Variants in SLC26A7 observed in about 807,000 individuals in gnomAD.
SLC26A7 encodes anion exchange transporter.
A neutral mutation model predicts 82.5 loss-of-function variants in SLC26A7; 59 were observed. The ratio of observed to expected loss-of-function variants is 0.72; its 90% CI spans 0.58 to 0.89. The LOEUF is 0.89. Ranked by LOEUF, SLC26A7 falls within the 40% of genes least tolerant of loss-of-function variation. SLC26A7 has a pLI of 0.00. For missense variants in SLC26A7, 820 were observed against 793.0 expected, an observed-to-expected ratio of 1.03 and a Z score of -0.41; for synonymous variants, 271 against 274.3, an observed-to-expected ratio of 0.99 and a Z score of 0.12.
intron 2 of SLC26A7, among the ~76,000 whole-genome samples, chr8:91,273,419 G>C (rs946552447): frequency 6.6e-6 from 1 of 152,146 alleles, no homozygotes; most frequent in Non-Finnish European, 1.5e-5. Context: ...TGACATTTAA[G>C]AGTGGTAAGA....
intron 2 of SLC26A7, among the ~76,000 whole-genome samples, chr8:91,270,033 A>T (rs927079435): frequency 3.3e-5 from 5 of 152,052 alleles, no homozygotes; most frequent in African/African-American, 1.2e-4. Context: ...TAAAATCTTA[A>T]AAAAGTATTA....
chr8:91,387,610 C>T (rs1814834974), intron 15 of SLC26A7, among the ~76,000 whole-genome samples: 1 of 143,990 alleles, frequency 6.9e-6, no homozygotes, highest in South Asian at 2.1e-4. Context: ...TACACGTCTA[C>T]ATTACTTCTC....
Position 91,334,329 on chromosome 8 carries a change from T to C in SLC26A7, c.677T>C (p.Val226Ala), listed in dbSNP as rs753028751. Residue 226 changes from valine (V) to alanine (A), a missense_variant, in exon 6 of 19, where the codon GTG becomes GCG. Coordinates refer to ENST00000276609, the MANE Select transcript of SLC26A7 (RefSeq NM_052832.4). ...TATGTTTTTGAAAACATCAAGTCTG[T>C]GCGACTGGAAGCATTGCTTTTATCC... ...YAYVFENIKS[V>A]RLEALLLSLL... 36 of 1,612,960 alleles carry C rather than the reference T, an allele frequency of 2.2e-5. No homozygotes were observed. Among genetic ancestry groups the C allele is most frequent in the Non-Finnish European group, 3.0e-5 (35 of 1,179,416 alleles).
chr8:91,247,509 G>A (rs1035480140), upstream of SLC26A7, among the ~76,000 whole-genome samples: 1 of 150,232 alleles, frequency 6.7e-6, no homozygotes, highest in South Asian at 2.1e-4. Flanking sequence ...TATGCACATG[G>A]AAATTGAAAA....
intron 13 of SLC26A7, among the ~76,000 whole-genome samples, chr8:91,364,263 T>TC (rs556769950): frequency 2.3e-3 from 353 of 152,286 alleles, no homozygotes; most frequent in African/African-American, 7.7e-3. Context: ...CTAACCTTTT[T>TC]CCGTTTATTT....
At chr8:91,279,125 G>GTATATATATATATATATATATA (rs55869816) in intron 2 of SLC26A7, among the ~76,000 whole-genome samples, 3 of 111,292 alleles carry the variant, frequency 2.7e-5, no homozygotes, top group East Asian at 3.3e-4. Flanking sequence ...GTGTGTGTGT[G>GTATATATATATATATATATATA]TATATATATA....
intron 11 of SLC26A7, among the ~76,000 whole-genome samples, chr8:91,353,580 C>T (rs1813781479): frequency 6.6e-6 from 1 of 152,104 alleles, no homozygotes; most frequent in South Asian, 2.1e-4. Context: ...CCTATCTATG[C>T]AAGAGCAATC....
chr8:91,279,264 G>A (rs990780234), intron 2 of SLC26A7, among the ~76,000 whole-genome samples: 5 of 150,936 alleles, frequency 3.3e-5, no homozygotes, highest in African/African-American at 1.2e-4. Flanking sequence ...ATGTGGGAGT[G>A]CAGGTATCTT....
chr8:91,342,300 T>C (rs192432114), intron 8 of SLC26A7, among the ~76,000 whole-genome samples: 7 of 152,332 alleles, frequency 4.6e-5, no homozygotes, highest in African/African-American at 1.7e-4. Context: ...ACTCAAGATT[T>C]GCCCATGCTT....
intron 2 of SLC26A7, among the ~76,000 whole-genome samples, chr8:91,278,092 A>G (rs1368740263): frequency 6.6e-6 from 1 of 152,136 alleles, no homozygotes; most frequent in Non-Finnish European, 1.5e-5. Flanking sequence ...GGAGGAGGGA[A>G]GTGGAAATAT....
At chr8:91,385,535 AATT>A (rs1194806001) in intron 15 of SLC26A7, among the ~76,000 whole-genome samples, 2 of 152,216 alleles carry the variant, frequency 1.3e-5, no homozygotes, top group Non-Finnish European at 2.9e-5. Flanking sequence ...AGCTTACTTA[AATT>A]ATTATCCACA....
intron 2 of SLC26A7, among the ~76,000 whole-genome samples, chr8:91,272,404 C>T (rs898972114): frequency 6.6e-6 from 1 of 152,076 alleles, no homozygotes; most frequent in Non-Finnish European, 1.5e-5. Context: ...ACAAAAGCAA[C>T]CAATTAAAAT....
chr8:91,279,209 T>A (rs950589276), intron 2 of SLC26A7, among the ~76,000 whole-genome samples: 5 of 146,410 alleles, frequency 3.4e-5, no homozygotes, highest in Middle Eastern at 3.6e-3. Context: ...GATGGACACT[T>A]AAGTTGATTC....
chr8:91,377,102 C>T (rs556557680), intron 15 of SLC26A7, among the ~76,000 whole-genome samples: 3 of 152,140 alleles, frequency 2.0e-5, no homozygotes, highest in East Asian at 3.9e-4. Context: ...GAAGGTGGTC[C>T]CTGCTCATTG....
At chr8:91,359,585 G>A (rs1304077574) in intron 11 of SLC26A7, among the ~76,000 whole-genome samples, 3 of 152,168 alleles carry the variant, frequency 2.0e-5, no homozygotes, top group Admixed American at 6.5e-5. Context: ...GGATATAGCA[G>A]GCGCATGATG....
intron 11 of SLC26A7, among the ~76,000 whole-genome samples, chr8:91,358,918 CA>C (rs1813964564): frequency 1.3e-5 from 2 of 151,968 alleles, no homozygotes; most frequent in South Asian, 4.2e-4. Flanking sequence ...ACATCAACAC[CA>C]GGGCCGGTTG....
In SLC26A7 at chr8:91,243,012, AT is replaced by A. The variant is rs550834207; in HGVS notation, c.-33-6606del. 2.4e-3 allele frequency among the ~76,000 whole-genome samples: 361 copies of A among 152,334 alleles called. 1 individual carries two copies. The highest frequency in any genetic ancestry group is 8.0e-3 in the African/African-American group (331 of 41,582). On this transcript the variant is annotated intron_variant, in intron 2 of 5. Coordinates refer to the SLC26A7 transcript ENST00000522862. ...TTATAAAAACCTCCTACATAAAAAAATATAGAGAATATATCACTTAAACAGC... is the reference window on the plus strand; with the variant it reads ...TTATAAAAACCTCCTACATAAAAAAAATAGAGAATATATCACTTAAACAGC...
At chr8:91,387,835 C>T (rs1380441484) in intron 15 of SLC26A7, among the ~76,000 whole-genome samples, 1 of 152,130 alleles carries the variant, frequency 6.6e-6, no homozygotes. Context: ...TTTGTTATCA[C>T]CCACTCCTTA....
chr8:91,300,622 C>A (rs1211232449), intron 4 of SLC26A7, among the ~76,000 whole-genome samples: 1 of 152,138 alleles, frequency 6.6e-6, no homozygotes, highest in Non-Finnish European at 1.5e-5. Context: ...TGGTCTCGAT[C>A]TCCTGACCTC....
Sources: allele counts gnomAD v4.1 joint callset (sites outside exome capture counted in the v4.1 genomes callset), GRCh38; gene constraint gnomAD v4.1.1; transcripts MANE v1.5; gene names NCBI Gene and HGNC (gene_info 2026-07-23, HGNC 2026-07-21).